RMND5A: variants seen among roughly 807,000 people sequenced by gnomAD.
The protein encoded by RMND5A is E3 ubiquitin-protein transferase RMND5A.
RMND5A carries 17 observed loss-of-function variants against 49.7 expected under a neutral mutation model. That is an observed-to-expected ratio of 0.34 (90% CI 0.23 to 0.51). The LOEUF (loss-of-function observed/expected upper bound fraction) is 0.51. RMND5A is among the 20% of genes least tolerant of loss of function. The pLI, the probability that RMND5A is intolerant of heterozygous loss-of-function variation, is 0.96. For synonymous variants in RMND5A, 156 were observed against 167.7 expected (o/e 0.93, Z 0.54); for missense variants, 255 against 471.3 (o/e 0.54, Z 4.25).
intron 4 of RMND5A, among the ~76,000 whole-genome samples, chr2:86,760,517 G>A (rs1672460558): frequency 6.6e-6 from 1 of 152,186 alleles, no homozygotes; most frequent in African/African-American, 2.4e-5. Flanking sequence ...TTCTCTGCCA[G>A]CTCTTCAGTC....
At chr2:86,756,528 T>C (rs1453093167) in intron 4 of RMND5A, among the ~76,000 whole-genome samples, 1 of 152,204 alleles carries the variant, frequency 6.6e-6, no homozygotes, top group East Asian at 1.9e-4. Flanking sequence ...ACCCATAAAA[T>C]TGGAGTTATA....
chr2:86,765,287 CCAGT>C, intron 5 of RMND5A, 94 bp downstream of exon 5: 1 of 1,093,838 alleles, frequency 9.1e-7, no homozygotes, highest in Non-Finnish European at 1.3e-6. Context: ...TACCTGTTTG[CCAGT>C]AAACAGTTGT....
At chr2:86,767,354 C>T (rs1195648462) in intron 6 of RMND5A, among the ~76,000 whole-genome samples, 1 of 152,076 alleles carries the variant, frequency 6.6e-6, no homozygotes, top group Non-Finnish European at 1.5e-5. Context: ...TGAGCCACCG[C>T]ACCAGCCTTG....
intron 4 of RMND5A, among the ~76,000 whole-genome samples, chr2:86,762,895 C>T (rs1223124998): frequency 6.6e-6 from 1 of 151,520 alleles, no homozygotes; most frequent in Non-Finnish European, 1.5e-5. Flanking sequence ...TACAAAACAG[C>T]TGGGTGCGGT....
chr2:86,732,408 T>C (rs1681347068), intron 1 of RMND5A, among the ~76,000 whole-genome samples: 1 of 149,146 alleles, frequency 6.7e-6, no homozygotes, highest in Non-Finnish European at 1.5e-5. Context: ...ATTAATGATA[T>C]ATTTGTCTAG....
intron 1 of RMND5A, among the ~76,000 whole-genome samples, chr2:86,732,420 TTGTA>T (rs1236057105): frequency 6.7e-6 from 1 of 148,368 alleles, no homozygotes; most frequent in Non-Finnish European, 1.5e-5. Flanking sequence ...TTTGTCTAGA[TTGTA>T]TTAAGGTGAG....
intron 2 of RMND5A, among the ~76,000 whole-genome samples, chr2:86,743,752 G>A (rs1186842786): frequency 2.0e-5 from 3 of 152,074 alleles, no homozygotes; most frequent in Admixed American, 2.0e-4. Context: ...TTGGGAGGCC[G>A]AGGCAGGCGG....
chr2:86,724,064 G>A (rs2674832), intron 1 of RMND5A, among the ~76,000 whole-genome samples: 6,422 of 139,910 alleles, frequency 0.046, 510 homozygotes, highest in African/African-American at 0.16. Flanking sequence ...GGCCAAATCC[G>A]TCAGCCTGAC....
At chr2:86,751,875 C>G (rs759731685) in intron 2 of RMND5A, 21 bp from the exon 3 acceptor site, 3 of 1,605,026 alleles carry the variant, frequency 1.9e-6, no homozygotes, top group South Asian at 1.1e-5. Flanking sequence ...TTATGATTCC[C>G]TTTCTCTTTC....
intron 1 of RMND5A, among the ~76,000 whole-genome samples, chr2:86,728,976 G>A (rs1022757677): frequency 6.6e-6 from 1 of 151,868 alleles, no homozygotes; most frequent in East Asian, 1.9e-4. Context: ...GGATGGTCTC[G>A]ATCTCTTGAC....
chr2:86,769,137 G>A (rs1389476937), intron 6 of RMND5A, among the ~76,000 whole-genome samples: 2 of 151,940 alleles, frequency 1.3e-5, no homozygotes, highest in Non-Finnish European at 2.9e-5. Context: ...TAGAGACGGG[G>A]GTCTCACTGT....
chr2:86,744,249 G>C (rs1681499299), intron 2 of RMND5A, among the ~76,000 whole-genome samples: 1 of 152,174 alleles, frequency 6.6e-6, no homozygotes, highest in African/African-American at 2.4e-5. Flanking sequence ...ACATAAGACT[G>C]CATTGACTTG....
Position 86,726,642 on chromosome 2 carries a change from G to T in RMND5A, c.142+5833G>T, listed in dbSNP as rs1431569135. The stretch of plus-strand genomic sequence containing the variant: ...GTCAGTATATTGGTGTTTCCAGTTG[G>T]GTTTAGAAGTAGATTTAACTTTGTT... On this transcript the variant is annotated intron_variant, in intron 1 of 8. Transcript: ENST00000283632. Among the ~76,000 whole-genome samples the T allele has an allele frequency of 9.1e-5, 7 of 76,730 alleles. 3 individuals carry two copies. Among genetic ancestry groups the T allele is most frequent in the Non-Finnish European group, 1.6e-4 (6 of 37,370 alleles). 50.3% of individuals were successfully genotyped at this position (76,730 alleles called of 152,430 possible).
At chr2:86,756,922 C>G (rs1042545823) in intron 4 of RMND5A, among the ~76,000 whole-genome samples, 1 of 152,034 alleles carries the variant, frequency 6.6e-6, no homozygotes, top group Admixed American at 6.6e-5. Flanking sequence ...GCCTGTAATC[C>G]CAGCACTTTG....
intron 4 of RMND5A, among the ~76,000 whole-genome samples, chr2:86,759,916 G>T (rs757784288): frequency 6.6e-6 from 1 of 152,096 alleles, no homozygotes; most frequent in South Asian, 2.1e-4. Flanking sequence ...ATGAGAATGG[G>T]CCACAGACAC....
intron 2 of RMND5A, among the ~76,000 whole-genome samples, chr2:86,741,490 A>G (rs1681447718): frequency 6.9e-6 from 1 of 144,416 alleles, no homozygotes; most frequent in Non-Finnish European, 1.5e-5. Context: ...TCTCCCCTGC[A>G]TCATCCTAAC....
rs564689546 is a variant in RMND5A, at chr2:86,766,068, T to C, written c.854+44T>C. On this transcript the variant is annotated intron_variant, in intron 6 of 8. Transcript: ENST00000283632. Reference sequence around the variant, plus strand: ...TCTGTTATTGAAGTATGCACTGCATTATCACCTTCCCTTAACTTGTTTGGT... The same window carrying C: ...TCTGTTATTGAAGTATGCACTGCATCATCACCTTCCCTTAACTTGTTTGGT... 2.1e-5 allele frequency: 32 copies of C among 1,501,426 alleles called. 2 individuals carry two copies. The Admixed American group carries it at 5.6e-4, about 26-fold the overall frequency. 93.0% of individuals were successfully genotyped at this position (1,501,426 alleles called of 1,614,324 possible).
At chr2:86,764,693 A>G (rs139384109) in intron 4 of RMND5A, among the ~76,000 whole-genome samples, 11 of 152,354 alleles carry the variant, frequency 7.2e-5, no homozygotes, top group African/African-American at 2.4e-4. Context: ...GGAAAAGAGC[A>G]GTGGATCTAG....
chr2:86,767,581 A>AT lies in RMND5A; in HGVS notation c.854+1564dup, dbSNP rs34645970. Among the ~76,000 whole-genome samples, 5 of 152,196 alleles carry AT rather than the reference A, an allele frequency of 3.3e-5. No homozygotes were observed. In the East Asian group the frequency reaches 9.7e-4, roughly 29 times the overall value. Reference sequence around the variant, plus strand: ...CAGTTGTGTGCCACATCACCCAGCCATTTTTTTAAGTGAACGAAGCAAGCC... The same window carrying AT: ...CAGTTGTGTGCCACATCACCCAGCCATTTTTTTTAAGTGAACGAAGCAAGCC... On this transcript the variant is annotated intron_variant, in intron 6 of 8. Coordinates refer to ENST00000283632, the MANE Select transcript of RMND5A (RefSeq NM_022780.4).
Sources: allele counts gnomAD v4.1 joint callset (sites outside exome capture counted in the v4.1 genomes callset), GRCh38; gene constraint gnomAD v4.1.1; transcripts MANE v1.5; gene names NCBI Gene and HGNC (gene_info 2026-07-23, HGNC 2026-07-21).